PLSCR2: variants seen among roughly 807,000 people sequenced by gnomAD.
PLSCR2 encodes phospholipid scramblase 2, also known as PL scramblase 2.
In PLSCR2, 18 loss-of-function variants were observed where a neutral mutation model predicts 25.3. That is an observed-to-expected ratio of 0.71 (90% CI 0.49 to 1.06). PLSCR2 has a LOEUF of 1.06. Among genes scored for constraint, PLSCR2 ranks in the 50% least tolerant of loss-of-function variants. PLSCR2 has a pLI of 0.00. For synonymous variants in PLSCR2, 88 were observed against 87.3 expected (o/e 1.01, Z -0.04); for missense variants, 243 against 269.5 (o/e 0.90, Z 0.69).
exon 1 of PLSCR2, chr3:146,460,202 G>A (rs1001624639): frequency 7.2e-7 from 1 of 1,391,928 alleles, no homozygotes; most frequent in African/African-American, 1.5e-5. Context: ...TATCTGTGAA[G>A]CTTGAGGTAT....
At chr3:146,495,989 T>C (rs1175610404), upstream of PLSCR2, 7 of 1,230,700 alleles carry the variant, frequency 5.7e-6, no homozygotes, top group South Asian at 1.3e-5. Context: ...GATGGGCAGA[T>C]ACAAGCAACC....
intron 1 of PLSCR2, among the ~76,000 whole-genome samples, chr3:146,469,839 C>G (rs796600511): frequency 6.6e-6 from 1 of 151,890 alleles, no homozygotes; most frequent in Non-Finnish European, 1.5e-5. Context: ...CTCCCTCTCC[C>G]CATCCCCGTC....
At chr3:146,414,283 T>C (rs2038945941) in intron 2 of PLSCR2, among the ~76,000 whole-genome samples, 2 of 152,242 alleles carry the variant, frequency 1.3e-5, no homozygotes, top group Non-Finnish European at 2.9e-5. Flanking sequence ...TGAACTTTGG[T>C]GAACACATTG....
intron 1 of PLSCR2, among the ~76,000 whole-genome samples, chr3:146,477,062 C>G (rs2042313069): frequency 6.6e-6 from 1 of 152,184 alleles, no homozygotes; most frequent in Admixed American, 6.5e-5. Context: ...GGGTGAGAAC[C>G]CCCGCAAACA....
intron 2 of PLSCR2, among the ~76,000 whole-genome samples, chr3:146,426,277 TCTTC>T (rs1021578888): frequency 1.2e-4 from 18 of 145,698 alleles, no homozygotes; most frequent in South Asian, 2.2e-4. Context: ...TTCCTTCTTT[TCTTC>T]CTTCCTTCCT....
intron 2 of PLSCR2, among the ~76,000 whole-genome samples, chr3:146,400,827 G>C (rs1330766229): frequency 1.3e-5 from 2 of 151,760 alleles, no homozygotes; most frequent in Non-Finnish European, 3.0e-5. Context: ...TAGAACGATG[G>C]AAGAGAGTAG....
intron 1 of PLSCR2, among the ~76,000 whole-genome samples, chr3:146,467,686 T>C (rs2041931039): frequency 7.1e-6 from 1 of 140,698 alleles, no homozygotes; most frequent in Non-Finnish European, 1.6e-5. Context: ...GCACTATGAA[T>C]ACAAATAATG....
intron 2 of PLSCR2, among the ~76,000 whole-genome samples, chr3:146,422,992 C>A (rs1473838192): frequency 1.3e-5 from 2 of 152,000 alleles, no homozygotes; most frequent in African/African-American, 2.4e-5. Context: ...GTCTATATTT[C>A]TTATAGTATT....
intron 1 of PLSCR2, among the ~76,000 whole-genome samples, chr3:146,482,522 T>C (rs1428446382): frequency 6.6e-6 from 1 of 152,082 alleles, no homozygotes; most frequent in African/African-American, 2.4e-5. Context: ...AAAACCACAA[T>C]GAGATACAAT....
intron 2 of PLSCR2, among the ~76,000 whole-genome samples, chr3:146,396,518 A>T (rs560803620): frequency 5.3e-5 from 8 of 152,318 alleles, no homozygotes; most frequent in African/African-American, 1.9e-4. Context: ...GCTAATAAGC[A>T]GACTACACAA....
Position 146,408,337 on chromosome 3 carries a change from G to T in PLSCR2, c.101-12416C>A, listed in dbSNP as rs1454715789. Reference sequence around the variant, plus strand: ...AAACGGCTTTGAGATATTAGGGAGGGCTAAAGCAGGGGCTTCAGTTAATGC... The same window carrying T: ...AAACGGCTTTGAGATATTAGGGAGGTCTAAAGCAGGGGCTTCAGTTAATGC... On this transcript the variant is annotated intron_variant and NMD_transcript_variant, in intron 2 of 3. Transcript: ENST00000463633. 2.0e-5 allele frequency among the ~76,000 whole-genome samples: 3 copies of T among 152,228 alleles called. No homozygotes were observed. In the East Asian group the frequency reaches 5.8e-4, roughly 30 times the overall value.
At chr3:146,398,922 T>C (rs1297949704) in intron 2 of PLSCR2, 1 of 152,228 alleles carries the variant, frequency 6.6e-6, no homozygotes, top group Non-Finnish European at 1.5e-5. Flanking sequence ...GAGCTTTTTG[T>C]ATATTTTGAC....
downstream of PLSCR2, among the ~76,000 whole-genome samples, chr3:146,439,080 T>C (rs2040070625): frequency 6.6e-6 from 1 of 152,246 alleles, no homozygotes; most frequent in African/African-American, 2.4e-5. Context: ...AATTCTTTTC[T>C]TTAAGAATGT....
intron 8 of PLSCR2, among the ~76,000 whole-genome samples, chr3:146,436,180 G>T (rs917842869): frequency 6.6e-6 from 1 of 152,172 alleles, no homozygotes; most frequent in Non-Finnish European, 1.5e-5. Flanking sequence ...CTGTAGCCTT[G>T]TAGTATAGTT....
At chr3:146,449,426 T>G in intron 5 of PLSCR2, 59 bp from the exon 6 acceptor site, 1 of 1,161,344 alleles carries the variant, frequency 8.6e-7, no homozygotes, top group East Asian at 2.3e-5. Context: ...GCAAAATTAC[T>G]TTTAACACTG....
At chr3:146,407,491 G>A (rs1409442547) in intron 2 of PLSCR2, among the ~76,000 whole-genome samples, 1 of 152,182 alleles carries the variant, frequency 6.6e-6, no homozygotes, top group African/African-American at 2.4e-5. Context: ...GGAGACGGTG[G>A]CCTGGGCTGG....
chr3:146,409,156 A>G (rs760746672), intron 2 of PLSCR2, among the ~76,000 whole-genome samples: 2 of 152,068 alleles, frequency 1.3e-5, no homozygotes, highest in Non-Finnish European at 2.9e-5. Flanking sequence ...GAAAAAAGGG[A>G]CATAAACTAA....
intron 2 of PLSCR2, among the ~76,000 whole-genome samples, chr3:146,406,313 A>G (rs914183022): frequency 2.0e-5 from 3 of 152,038 alleles, no homozygotes; most frequent in African/African-American, 4.8e-5. Flanking sequence ...TTTTTTCTGC[A>G]CCTTTGGAGC....
At chr3:146,422,471 G>A (rs771823656) in intron 2 of PLSCR2, among the ~76,000 whole-genome samples, 5 of 152,076 alleles carry the variant, frequency 3.3e-5, no homozygotes, top group African/African-American at 9.7e-5. Flanking sequence ...GACAGGGACA[G>A]CAACCTAATT....
Sources: allele counts gnomAD v4.1 joint callset (sites outside exome capture counted in the v4.1 genomes callset), GRCh38; gene constraint gnomAD v4.1.1; transcripts MANE v1.5; gene names NCBI Gene and HGNC (gene_info 2026-07-23, HGNC 2026-07-21).